ATG10: variants seen among roughly 807,000 people sequenced by gnomAD.
The protein encoded by ATG10 is autophagy related 10.
A neutral mutation model predicts 32.1 loss-of-function variants in ATG10; 30 were observed. That is an observed-to-expected ratio of 0.94 (90% CI 0.70 to 1.27). ATG10 has a LOEUF of 1.27. ATG10 is among the 50% of genes most tolerant of loss of function. The pLI is 0.00. For synonymous variants in ATG10, 87 were observed against 91.5 expected, an observed-to-expected ratio of 0.95 and a Z score of 0.28; for missense variants, 233 against 262.3, an observed-to-expected ratio of 0.89 and a Z score of 0.77.
At chr5:82,077,487 T>A (rs1052227861) in intron 3 of ATG10, among the ~76,000 whole-genome samples, 2 of 152,244 alleles carry the variant, frequency 1.3e-5, no homozygotes, top group African/African-American at 4.8e-5. Flanking sequence ...GATGTCCTGT[T>A]TAACTCAGTA....
chr5:82,088,055 A>G (rs1374711399), intron 3 of ATG10, among the ~76,000 whole-genome samples: 1 of 152,182 alleles, frequency 6.6e-6, no homozygotes, highest in Non-Finnish European at 1.5e-5. Context: ...GTGTTGACTC[A>G]TTTCAGTGGT....
At chr5:82,253,527 C>G in intron 7 of ATG10, 98 bp downstream of exon 7, 1 of 793,236 alleles carries the variant, frequency 1.3e-6, no homozygotes, top group Non-Finnish European at 2.1e-6. Flanking sequence ...TTGCTTTCAT[C>G]TTTAGTGGGC....
rs1364819459 is a variant in ATG10, at chr5:82,253,357, G to A, written c.595G>A (p.Val199Ile). ...ATCATGGCTGAGCATTGTAGGGCCA[G>A]TTGTTGGGCTGAATCTACCTCTGAG... ...ITSWLSIVGPVVGLNLPLSYA... is the reference protein window; with the variant it reads ...ITSWLSIVGPIVGLNLPLSYA... Residue 199 changes from valine (V) to isoleucine (I), a missense_variant, in exon 7 of 8, where the codon GTT becomes ATT. Transcript: ENST00000282185. The A allele has an allele frequency of 6.2e-7, 1 of 1,613,626 alleles. No homozygotes were observed. The highest frequency in any genetic ancestry group is 2.2e-5 in the East Asian group (1 of 44,878).
At chr5:82,038,038 C>G (rs1762986092) in intron 2 of ATG10, among the ~76,000 whole-genome samples, 1 of 152,104 alleles carries the variant, frequency 6.6e-6, no homozygotes, top group African/African-American at 2.4e-5. Context: ...TTCTGGCTAA[C>G]CTAAGTAACA....
At chr5:82,106,686 C>T (rs1200542850) in intron 3 of ATG10, among the ~76,000 whole-genome samples, 1 of 152,020 alleles carries the variant, frequency 6.6e-6, no homozygotes, top group Admixed American at 6.6e-5. Context: ...ATTTTCTTAA[C>T]AATGGACTAT....
chr5:82,246,896 C>T (rs1460000594), intron 5 of ATG10, among the ~76,000 whole-genome samples: 1 of 111,500 alleles, frequency 9.0e-6, no homozygotes, highest in Non-Finnish European at 1.8e-5. Flanking sequence ...ATTTATATTA[C>T]TTTCATTTCT....
At chr5:82,010,020 A>G (rs1762085663) in intron 2 of ATG10, 2 of 1,609,668 alleles carry the variant, frequency 1.2e-6, no homozygotes, top group East Asian at 2.2e-5. Flanking sequence ...CTTGTCAGCT[A>G]ACAGCTCAAA....
chr5:81,981,160 C>T (rs533413598), intron 1 of ATG10, among the ~76,000 whole-genome samples: 2 of 152,348 alleles, frequency 1.3e-5, no homozygotes, highest in African/African-American at 2.4e-5. Context: ...GTGTCCCACC[C>T]AGGCTGCCAA....
intron 3 of ATG10, among the ~76,000 whole-genome samples, chr5:82,064,544 A>G (rs1763881179): frequency 2.0e-5 from 3 of 152,056 alleles, no homozygotes; most frequent in Admixed American, 1.3e-4. Flanking sequence ...AATGACTTTA[A>G]CAGGTTCTCT....
chr5:82,103,387 C>T (rs1765342095), intron 3 of ATG10, among the ~76,000 whole-genome samples: 1 of 152,104 alleles, frequency 6.6e-6, no homozygotes, highest in Non-Finnish European at 1.5e-5. Flanking sequence ...AAAGTCCTAG[C>T]CCTTTATTCC....
At chr5:82,086,530 C>A (rs924422502) in intron 3 of ATG10, among the ~76,000 whole-genome samples, 2 of 152,184 alleles carry the variant, frequency 1.3e-5, no homozygotes, top group Non-Finnish European at 2.9e-5. Context: ...TCTTAACTTT[C>A]TTCCAGCCAG....
intron 2 of ATG10, among the ~76,000 whole-genome samples, chr5:82,010,664 G>A (rs1409089464): frequency 1.3e-5 from 2 of 152,188 alleles, no homozygotes; most frequent in South Asian, 2.1e-4. Flanking sequence ...GGTATATTTT[G>A]TAACTGGTTA....
At chr5:82,015,313 G>A (rs188822972) in intron 2 of ATG10, among the ~76,000 whole-genome samples, 14 of 152,236 alleles carry the variant, frequency 9.2e-5, no homozygotes, top group Admixed American at 4.6e-4. Context: ...TTGTGGAGTT[G>A]CTCTTCTCGA....
At chr5:82,152,381 A>C (rs991203538) in intron 3 of ATG10, among the ~76,000 whole-genome samples, 1 of 152,260 alleles carries the variant, frequency 6.6e-6, no homozygotes, top group African/African-American at 2.4e-5. Flanking sequence ...GCTCAGCAGC[A>C]CTGACTCTGA....
At chr5:82,143,048 G>C (rs1265415878) in intron 3 of ATG10, among the ~76,000 whole-genome samples, 2 of 152,198 alleles carry the variant, frequency 1.3e-5, no homozygotes, top group Admixed American at 1.3e-4. Flanking sequence ...AGAGGTAATA[G>C]TCAGGCCAAA....
At chr5:81,987,435 T>C in intron 1 of ATG10, 124 bp from the exon 2 acceptor site, 1 of 662,668 alleles carries the variant, frequency 1.5e-6, no homozygotes, top group Non-Finnish European at 2.6e-6. Context: ...AAAACCATTT[T>C]TTAGTGGCCT....
intron 1 of ATG10, among the ~76,000 whole-genome samples, chr5:81,982,819 C>A (rs551909800): frequency 6.6e-6 from 1 of 152,172 alleles, no homozygotes; most frequent in South Asian, 2.1e-4. Context: ...TCTTGCACCG[C>A]CCTTAATCCA....
intron 2 of ATG10, among the ~76,000 whole-genome samples, chr5:82,003,709 C>T (rs936167568): frequency 2.0e-5 from 3 of 152,194 alleles, no homozygotes; most frequent in African/African-American, 7.2e-5. Flanking sequence ...GACATCAACT[C>T]CTTGGTATGA....
chr5:82,158,845 C>T (rs1299110356), intron 3 of ATG10, among the ~76,000 whole-genome samples: 1 of 152,132 alleles, frequency 6.6e-6, no homozygotes, highest in Non-Finnish European at 1.5e-5. Context: ...GCAGTGGTTT[C>T]AGTGTCAGTA....
Sources: gnomAD v4.1 joint callset for allele counts (sites outside exome capture counted in the v4.1 genomes callset) on GRCh38, gnomAD v4.1.1 for gene constraint, MANE v1.5 for transcripts, NCBI Gene and HGNC (gene_info 2026-07-23, HGNC 2026-07-21) for gene names.